WDR7: variants seen among roughly 807,000 people sequenced by gnomAD.
WDR7 encodes WD repeat domain 7.
WDR7 carries 46 observed loss-of-function variants against 169.4 expected under a neutral mutation model. The observed-to-expected ratio is 0.27, with a 90% CI of 0.21 to 0.35. The LOEUF (loss-of-function observed/expected upper bound fraction) is 0.35, where lower values mean the gene tolerates loss of function less well. Among genes scored for constraint, WDR7 ranks in the 10% least tolerant of loss-of-function variants. WDR7 has a pLI of 1.00. For synonymous variants in WDR7, 612 were observed against 666.8 expected, an observed-to-expected ratio of 0.92 and a Z score of 1.27; for missense variants, 1,534 against 1,859.3, an observed-to-expected ratio of 0.83 and a Z score of 3.22.
intron 14 of WDR7, among the ~76,000 whole-genome samples, chr18:56,745,173 A>G (rs2043683151): frequency 1.3e-5 from 2 of 152,190 alleles, no homozygotes; most frequent in Admixed American, 1.3e-4. Flanking sequence ...TGTTGATGCA[A>G]GTACAAATCC....
intron 20 of WDR7, among the ~76,000 whole-genome samples, chr18:56,867,541 A>T (rs2045899769): frequency 1.3e-5 from 2 of 152,156 alleles, no homozygotes; most frequent in East Asian, 3.8e-4. Context: ...GGAGGGAGAT[A>T]GATAGGGAGG....
intron 19 of WDR7, among the ~76,000 whole-genome samples, chr18:56,806,076 GTATTTCTTCC>G (rs1440943027): frequency 4.0e-5 from 6 of 151,550 alleles, no homozygotes; most frequent in Non-Finnish European, 8.9e-5. Context: ...TCTTTGACAT[GTATTTCTTCC>G]TCTTCCCATC....
chr18:56,841,320 T>G (rs2045482828), intron 20 of WDR7, among the ~76,000 whole-genome samples: 1 of 152,070 alleles, frequency 6.6e-6, no homozygotes, highest in South Asian at 2.1e-4. Flanking sequence ...GGCAGGCAGA[T>G]CAGTTGAGAA....
chr18:56,751,511 C>T (rs1448111171), intron 14 of WDR7, among the ~76,000 whole-genome samples: 3 of 152,174 alleles, frequency 2.0e-5, no homozygotes, highest in African/African-American at 7.2e-5. Flanking sequence ...CTGTGGTGGG[C>T]TCTTCTTTTA....
chr18:56,808,052 G>A (rs1027993508), intron 19 of WDR7, among the ~76,000 whole-genome samples: 3 of 152,164 alleles, frequency 2.0e-5, no homozygotes, highest in African/African-American at 7.2e-5. Flanking sequence ...GTGGATGTAG[G>A]CAGCCAGACA....
chr18:56,739,482 ATTG>A (rs1295621019), intron 14 of WDR7, among the ~76,000 whole-genome samples: 5 of 151,960 alleles, frequency 3.3e-5, no homozygotes, highest in African/African-American at 4.8e-5. Context: ...AGACATTATT[ATTG>A]TTTTGTTCAG....
chr18:56,827,299 G>A (rs1288516493), intron 20 of WDR7, among the ~76,000 whole-genome samples: 1 of 152,102 alleles, frequency 6.6e-6, no homozygotes, highest in East Asian at 1.9e-4. Flanking sequence ...AGGTTATTAG[G>A]AGACAGATGA....
At chr18:56,698,721 C>T (rs905163551) in intron 12 of WDR7, among the ~76,000 whole-genome samples, 12 of 151,778 alleles carry the variant, frequency 7.9e-5, no homozygotes, top group African/African-American at 2.4e-4. Flanking sequence ...TGCAACTAAA[C>T]GGAGAATGGG....
At chr18:56,830,136 C>T (rs1200890818) in intron 20 of WDR7, among the ~76,000 whole-genome samples, 1 of 152,120 alleles carries the variant, frequency 6.6e-6, no homozygotes, top group Non-Finnish European at 1.5e-5. Context: ...AGTACAGGTG[C>T]CCTGAGTTTA....
intron 1 of WDR7, among the ~76,000 whole-genome samples, chr18:56,655,228 T>C (rs148885978): frequency 2.2e-4 from 34 of 152,360 alleles, no homozygotes; most frequent in African/African-American, 6.7e-4. Context: ...TATACCACTG[T>C]AGTACAGTAT....
At chr18:56,973,157 C>T (rs1225574311) in intron 26 of WDR7, among the ~76,000 whole-genome samples, 3 of 152,156 alleles carry the variant, frequency 2.0e-5, no homozygotes, top group Non-Finnish European at 4.4e-5. Context: ...ATTACAGGCG[C>T]GAGCCACCGC....
chr18:56,723,403 A>G (rs1012526760), intron 13 of WDR7, among the ~76,000 whole-genome samples: 10 of 150,560 alleles, frequency 6.6e-5, no homozygotes, highest in Non-Finnish European at 1.0e-4. Flanking sequence ...GTAGGTCTGC[A>G]GGTGATGAAT....
At chr18:56,953,242 G>A (rs1202463193) in intron 25 of WDR7, among the ~76,000 whole-genome samples, 4 of 152,080 alleles carry the variant, frequency 2.6e-5, no homozygotes, top group Non-Finnish European at 5.9e-5. Flanking sequence ...CATCCACTCA[G>A]TATACTTATT....
intron 25 of WDR7, among the ~76,000 whole-genome samples, chr18:56,956,812 C>A (rs1045462514): frequency 8.5e-5 from 13 of 152,084 alleles, no homozygotes; most frequent in African/African-American, 3.1e-4. Context: ...AAGAATGTAA[C>A]CTACATGCAT....
chr18:56,801,614 C>T (rs768776842), intron 19 of WDR7, among the ~76,000 whole-genome samples: 1 of 152,290 alleles, frequency 6.6e-6, no homozygotes, highest in Admixed American at 6.5e-5. Flanking sequence ...GTAATCAACT[C>T]CTCTCCTTTC....
chr18:56,658,985 G>C (rs576105669), intron 1 of WDR7, among the ~76,000 whole-genome samples: 1 of 152,208 alleles, frequency 6.6e-6, no homozygotes, highest in African/African-American at 2.4e-5. Flanking sequence ...CAAAGTGCTG[G>C]GATTATAGGC....
intron 14 of WDR7, among the ~76,000 whole-genome samples, chr18:56,732,335 T>G (rs1002355468): frequency 6.6e-5 from 10 of 152,212 alleles, no homozygotes; most frequent in Non-Finnish European, 1.3e-4. Flanking sequence ...ATCTCAATAT[T>G]TCATCTCAAT....
In WDR7 at chr18:56,781,533, G is replaced by A; in HGVS notation, c.3067G>A (p.Val1023Met). 3 of 1,602,218 alleles carry A rather than the reference G, an allele frequency of 1.9e-6. No individual in the cohort carries two copies. Among genetic ancestry groups the A allele is most frequent in the Non-Finnish European group, 1.7e-6 (2 of 1,173,984 alleles). Residue 1023 changes from valine (V) to methionine (M), a missense_variant and splice_region_variant, in exon 19 of 28, where the codon GTG becomes ATG. Transcript: ENST00000254442. The stretch of plus-strand genomic sequence containing the variant: ...TTTACATTTGGGTCTGTGGTCTTAG[G>A]TGAGAGAAGCCGCGCAGGCCCTGCT... ...ARRWQDRCLE[V>M]REAAQALLLA...
chr18:56,813,247 AAT>A (rs2145204972), intron 19 of WDR7, among the ~76,000 whole-genome samples: 1 of 151,696 alleles, frequency 6.6e-6, no homozygotes, highest in South Asian at 2.1e-4. Context: ...TTCTTTCTAA[AAT>A]GTGTGTATGT....
Sources: gnomAD v4.1 joint callset for allele counts (sites outside exome capture counted in the v4.1 genomes callset) on GRCh38, gnomAD v4.1.1 for gene constraint, MANE v1.5 for transcripts, NCBI Gene and HGNC (gene_info 2026-07-23, HGNC 2026-07-21) for gene names.